The following MARK4 variants were observed in gnomAD, a reference collection of about 807,000 sequenced individuals.
MARK4 encodes the protein MAP/microtubule affinity-regulating kinase 4.
A neutral mutation model predicts 81.5 loss-of-function variants in MARK4; 19 were observed. That is an observed-to-expected ratio of 0.23 (90% CI 0.16 to 0.34). The LOEUF (loss-of-function observed/expected upper bound fraction) is 0.34. MARK4 is among the 10% of genes least tolerant of loss of function. The pLI, the probability that MARK4 is intolerant of heterozygous loss-of-function variation, is 1.00. For synonymous variants in MARK4, 436 were observed against 439.0 expected (o/e 0.99, Z 0.08); for missense variants, 772 against 1,058.8 (o/e 0.73, Z 3.76).
intron 2 of MARK4, among the ~76,000 whole-genome samples, chr19:45,259,575 A>G (rs570167041): frequency 9.0e-4 from 137 of 152,108 alleles, no homozygotes; most frequent in South Asian, 1.2e-3. Context: ...CAGCCTGGGC[A>G]ACATAGCAAC....
At chr19:45,266,099 A>C in intron 6 of MARK4, 126 bp from the exon 7 acceptor site, 2 of 911,446 alleles carry the variant, frequency 2.2e-6, no homozygotes, top group Non-Finnish European at 3.6e-6. Context: ...TCAGGGTGTG[A>C]GGCCCCAGAT....
At chr19:45,264,444 C>T (rs1201507928) in intron 4 of MARK4, among the ~76,000 whole-genome samples, 2 of 149,730 alleles carry the variant, frequency 1.3e-5, no homozygotes, top group Non-Finnish European at 1.5e-5. Flanking sequence ...GAGCAGAGAT[C>T]GCGCCATTGC....
At chr19:45,290,711 G>A (rs1970809525) in intron 13 of MARK4, among the ~76,000 whole-genome samples, 1 of 152,222 alleles carries the variant, frequency 6.6e-6, no homozygotes, top group Non-Finnish European at 1.5e-5. Flanking sequence ...GACCAGCAGT[G>A]TCTGGCCATG....
intron 1 of MARK4, among the ~76,000 whole-genome samples, chr19:45,253,189 C>CCA (rs111314321): frequency 2.1e-5 from 3 of 139,964 alleles, no homozygotes; most frequent in Non-Finnish European, 4.9e-5. Flanking sequence ...ACAGACCCCC[C>CCA]CACACACACA....
chr19:45,254,144 G>A (rs1035375932), intron 1 of MARK4, among the ~76,000 whole-genome samples: 1 of 152,056 alleles, frequency 6.6e-6, no homozygotes, highest in Non-Finnish European at 1.5e-5. Context: ...AAGTTCCAGG[G>A]CCCCCCACCA....
rs533748608 is a variant in MARK4, at chr19:45,295,176, C to T, written c.1598+724C>T. On this transcript the variant is annotated intron_variant, in intron 14 of 16. Coordinates refer to ENST00000262891, the MANE Select transcript of MARK4 (RefSeq NM_001199867.2). ...CATCCTGGCTAACATGGTGACACCC[C>T]GTCTCTACTAAAAATACCAAAAAAA... 4.0e-5 allele frequency among the ~76,000 whole-genome samples: 6 copies of T among 150,024 alleles called. No individual in the cohort carries two copies. The South Asian group carries it at 6.4e-4, about 16-fold the overall frequency.
chr19:45,278,131 A>G, intron 9 of MARK4, 89 bp downstream of exon 9: 1 of 1,560,902 alleles, frequency 6.4e-7, no homozygotes, highest in South Asian at 1.1e-5. Flanking sequence ...AGCCTTCTTG[A>G]CACACTTTTC....
intron 13 of MARK4, among the ~76,000 whole-genome samples, chr19:45,292,235 C>T (rs941444486): frequency 6.6e-5 from 10 of 151,822 alleles, no homozygotes; most frequent in African/African-American, 1.7e-4. Flanking sequence ...GCCAGGAGTT[C>T]GAGACCAGCC....
intron 8 of MARK4, among the ~76,000 whole-genome samples, chr19:45,274,896 T>C (rs1395096060): frequency 6.6e-6 from 1 of 152,164 alleles, no homozygotes; most frequent in African/African-American, 2.4e-5. Context: ...AGCTCTGTCA[T>C]TTCCTTTCTG....
In MARK4 at chr19:45,264,832, C is replaced by A. The variant is rs1403741647; in HGVS notation, c.422-8C>A. ...TGACCCTGACCCCGCTCGGCCTCTG[C>A]CCTGCAGGAGAAGTGTTTGACTACC... On this transcript the variant is annotated splice_region_variant and splice_polypyrimidine_tract_variant and intron_variant, in intron 5 of 16. Transcript: ENST00000262891. The A allele has an allele frequency of 1.2e-6, 2 of 1,614,130 alleles. No homozygotes were observed. The highest frequency in any genetic ancestry group is 1.7e-5 in the Admixed American group (1 of 60,012).
intron 1 of MARK4, among the ~76,000 whole-genome samples, chr19:45,253,410 C>A (rs1160761624): frequency 1.3e-5 from 2 of 152,196 alleles, no homozygotes; most frequent in African/African-American, 4.8e-5. Flanking sequence ...AGCTGGTTTG[C>A]CTTGTGTCCT....
At chr19:45,293,659 G>A (rs1970847180) in intron 13 of MARK4, among the ~76,000 whole-genome samples, 2 of 152,194 alleles carry the variant, frequency 1.3e-5, no homozygotes, top group Admixed American at 1.3e-4. Context: ...AACTTCCAGA[G>A]AATAGAAAAA....
intron 12 of MARK4, among the ~76,000 whole-genome samples, chr19:45,282,477 G>T (rs1970688773): frequency 6.6e-6 from 1 of 151,004 alleles, no homozygotes. Flanking sequence ...AGGATTGCTT[G>T]AGCCCAGGAG....
rs910342356 is a variant in MARK4 at position 45,303,119 on chromosome 19, G to A, written c.*409G>A. The A allele has an allele frequency of 2.3e-5, 5 of 214,284 alleles. No individual in the cohort carries two copies. Among genetic ancestry groups the A allele is most frequent in the Admixed American group, 1.1e-4 (2 of 18,912 alleles). The allele number at this position is 214,284 out of a possible 1,614,324, so 13.3% of individuals were successfully genotyped here. On this transcript the variant is annotated 3_prime_UTR_variant, in exon 17 of 17. Coordinates refer to ENST00000262891, the MANE Select transcript of MARK4 (RefSeq NM_001199867.2). ...TGGAGAATCTGGGGGACTGGGAGTGGGGGTCAGAGAGGCAGATTCCTTCCC... is the reference window on the plus strand; with the variant it reads ...TGGAGAATCTGGGGGACTGGGAGTGAGGGTCAGAGAGGCAGATTCCTTCCC...
intron 8 of MARK4, among the ~76,000 whole-genome samples, chr19:45,272,610 C>T (rs186045336): frequency 2.0e-5 from 3 of 152,004 alleles, no homozygotes; most frequent in Admixed American, 2.0e-4. Flanking sequence ...ATGTAGTGGC[C>T]GGCCTGATGG....
rs55643304 is a variant in MARK4, at chr19:45,277,994, C to A, written c.858C>A (p.Ile286=). 6.2e-7 allele frequency: 1 copy of A among 1,613,938 alleles called. No individual in the cohort carries two copies. The highest frequency in any genetic ancestry group is 8.5e-7 in the Non-Finnish European group (1 of 1,180,004). The change falls in exon 9 of 17, where the codon ATC becomes ATA. Residue 286 remains isoleucine, a synonymous_variant. Coordinates refer to ENST00000262891, the MANE Select transcript of MARK4 (RefSeq NM_001199867.2). ...PFYMSTDCES[I]LRRFLVLNPA... Reference sequence around the variant, plus strand: ...ACATGTCAACAGACTGTGAGAGCATCCTGCGGAGATTTTTGGTGCTGAACC... The same window carrying A: ...ACATGTCAACAGACTGTGAGAGCATACTGCGGAGATTTTTGGTGCTGAACC...
rs1168241968 is a variant in MARK4 at position 45,304,062 on chromosome 19, GGTTT to G, written c.*1353_*1356del. On this transcript the variant is annotated 3_prime_UTR_variant, in exon 17 of 17. Transcript: ENST00000262891. Reference sequence around the variant, plus strand: ...CTGCTTAAGCAAAAAGGTATTTGTTGGTTTATGTTACTTAATAGTCCAGGGGCAC... The same window carrying G: ...CTGCTTAAGCAAAAAGGTATTTGTTGATGTTACTTAATAGTCCAGGGGCAC... The G allele has an allele frequency of 6.6e-6, 1 of 152,208 alleles. No homozygotes were observed. Among genetic ancestry groups the G allele is most frequent in the African/African-American group, 2.4e-5 (1 of 41,446 alleles). The allele number at this position is 152,208 out of a possible 1,614,324, so 9.4% of individuals were successfully genotyped here. A position where few individuals can be genotyped will look rare whatever the true frequency, so the allele number is the denominator to read the frequency against.
chr19:45,290,172 A>G (rs1040095466), intron 13 of MARK4, among the ~76,000 whole-genome samples: 7 of 152,246 alleles, frequency 4.6e-5, no homozygotes, highest in Non-Finnish European at 8.8e-5. Context: ...TCATCTTTTT[A>G]ACTTCTTCTT....
In MARK4 at chr19:45,278,539, C is replaced by A; in HGVS notation, c.930C>A (p.Ile310=). The change falls in exon 10 of 17, where the codon ATC becomes ATA. Residue 310 remains isoleucine, a synonymous_variant. Transcript: ENST00000262891. ...TLEQIMKDKW[I]NIGYEGEELK... ...AGCAAATCATGAAAGACAAATGGAT[C>A]AACATCGGCTATGAGGGTGAGGAGT... is the stretch of plus-strand genomic sequence containing the variant. The A allele has an allele frequency of 6.2e-7, 1 of 1,614,024 alleles. No individual in the cohort carries two copies. The highest frequency in any genetic ancestry group is 8.5e-7 in the Non-Finnish European group (1 of 1,179,974).
Sources: gnomAD v4.1 joint callset for allele counts (sites outside exome capture counted in the v4.1 genomes callset) on GRCh38, gnomAD v4.1.1 for gene constraint, MANE v1.5 for transcripts, NCBI Gene and HGNC (gene_info 2026-07-23, HGNC 2026-07-21) for gene names.